MVD: variants seen among roughly 807,000 people sequenced by gnomAD.
MVD encodes mevalonate diphosphate decarboxylase.
MVD carries 52 observed loss-of-function variants against 42.4 expected under a neutral mutation model. The ratio of observed to expected loss-of-function variants is 1.23; its 90% CI spans 0.98 to 1.55. The LOEUF (loss-of-function observed/expected upper bound fraction) is 1.55. MVD is among the 40% of genes most tolerant of loss of function. The probability of loss-of-function intolerance (pLI) is 0.00; values close to 1 mark genes in which losing one functional copy is unlikely to be tolerated. For missense variants in MVD, 663 were observed against 572.1 expected, an observed-to-expected ratio of 1.16 and a Z score of -1.62; for synonymous variants, 287 against 243.2, an observed-to-expected ratio of 1.18 and a Z score of -1.68.
intron 4 of MVD, 29 bp from the exon 5 acceptor site, chr16:88,656,333 C>T (rs1907928816): frequency 1.0e-5 from 16 of 1,596,970 alleles, no homozygotes; most frequent in Non-Finnish European, 1.4e-5. Context: ...AGGGAGGGTC[C>T]TCAGAGCTGC....
chr16:88,656,211 C>G lies in MVD; in HGVS notation c.497G>C (p.Gly166Ala). ...CTCTCCCATCTGCCACTCCACAAAG[C>G]CCCCATACAGGCTCCGGCAGGCGCT... ...SGSACRSLYGGFVEWQMGEQA... is the reference protein window; with the variant it reads ...SGSACRSLYGAFVEWQMGEQA... Residue 166 changes from glycine (G) to alanine (A), a missense_variant, in exon 5 of 10, where the codon GGC becomes GCC. Physicochemically the swap from Gly to Ala is moderately conservative, Grantham distance 60. Transcript: ENST00000301012. 1 of 1,601,362 alleles carries G rather than the reference C, an allele frequency of 6.2e-7. No individual in the cohort carries two copies. The highest frequency in any genetic ancestry group is 8.5e-7 in the Non-Finnish European group (1 of 1,179,938).
intron 1 of MVD, among the ~76,000 whole-genome samples, chr16:88,661,432 C>G (rs561332403): frequency 6.6e-6 from 1 of 152,126 alleles, no homozygotes; most frequent in Non-Finnish European, 1.5e-5. Context: ...CCATGTTGGC[C>G]AAGCTGGTCT....
At chr16:88,657,851 C>T in intron 3 of MVD, 64 bp downstream of exon 3, 1 of 1,541,150 alleles carries the variant, frequency 6.5e-7, no homozygotes, top group African/African-American at 1.4e-5. Flanking sequence ...GGCAGAAGCA[C>T]TTTCTGGATG....
At chr16:88,658,875 C>T (rs6416802) in intron 1 of MVD, 155 bp from the exon 2 acceptor site, 8 of 648,050 alleles carry the variant, frequency 1.2e-5, no homozygotes, top group South Asian at 3.5e-5. Flanking sequence ...TGCCAGACCC[C>T]GGCCTGCAAG....
Position 88,657,583 on chromosome 16 carries a change from C to A in MVD, c.257-1G>T, listed in dbSNP as rs1182258390. On this transcript the variant is annotated splice_acceptor_variant, in intron 3 of 9. Transcript: ENST00000301012. LOFTEE classifies it high-confidence loss of function. ...CTCCGCTTCCGGGCCAGGCAGCGGA[C>A]TGCAGAGACAATGAGACAGCGTGTG... 11 of 1,612,022 alleles carry A rather than the reference C, an allele frequency of 6.8e-6. No individual in the cohort carries two copies. Among genetic ancestry groups the A allele is most frequent in the Non-Finnish European group, 9.3e-6 (11 of 1,179,466 alleles).
At chr16:88,653,666 A>G (rs11649119) in intron 8 of MVD, 77,228 of 436,418 alleles carry the variant, frequency 0.18, 7,735 homozygotes, top group South Asian at 0.28. Context: ...CGAATGGCTG[A>G]GACAGGAAAT....
At chr16:88,653,271 CG>C (rs761358894) in intron 9 of MVD, 28 bp downstream of exon 9, 1 of 1,568,336 alleles carries the variant, frequency 6.4e-7, no homozygotes, top group Non-Finnish European at 8.7e-7. Flanking sequence ...AAGGAAACCC[CG>C]GGGTACTGGG....
chr16:88,657,608 G>C, intron 3 of MVD, 26 bp from the exon 4 acceptor site: 1 of 1,604,492 alleles, frequency 6.2e-7, no homozygotes, highest in South Asian at 1.1e-5. Context: ...GACAGCGTGT[G>C]GCCCAGCCGT....
chr16:88,658,875 C>G, intron 1 of MVD, 155 bp from the exon 2 acceptor site: 2 of 648,088 alleles, frequency 3.1e-6, no homozygotes, highest in East Asian at 5.7e-5. Context: ...TGCCAGACCC[C>G]GGCCTGCAAG....
Position 88,657,950 on chromosome 16 carries a change from A to ACATCCT in MVD, c.215_220dup (p.Glu72_Asp73dup). The ACATCCT allele has an allele frequency of 6.2e-7, 1 of 1,613,716 alleles. No homozygotes were observed. Among genetic ancestry groups the ACATCCT allele is most frequent in the South Asian group, 1.1e-5 (1 of 91,078 alleles). ...GCAGGCCTGCAGCCGCGGCTGCCCC[A>ACATCCT]CATCCTCCTCCCGGCCATTCAGCCA... On this transcript the variant is annotated inframe_insertion, in exon 3 of 10. Transcript: ENST00000301012.
chr16:88,658,391 G>A (rs1597381516), intron 2 of MVD, among the ~76,000 whole-genome samples: 1 of 152,142 alleles, frequency 6.6e-6, no homozygotes. Flanking sequence ...GGGAGTCGTC[G>A]CTAGGCCATC....
chr16:88,655,820 A>G (rs1417522992), intron 5 of MVD, 90 bp from the exon 6 acceptor site: 7 of 1,448,394 alleles, frequency 4.8e-6, no homozygotes, highest in Non-Finnish European at 6.5e-6. Context: ...CCCTCAGCCA[A>G]TGCAGGCAGC....
intron 9 of MVD, 90 bp downstream of exon 9, chr16:88,653,210 C>G (rs1458902653): frequency 2.0e-6 from 2 of 991,450 alleles, no homozygotes; most frequent in Non-Finnish European, 3.0e-6. Context: ...GACAGGGAGC[C>G]GCGCTTAGCC....
At chr16:88,661,262 T>C (rs886554526) in intron 1 of MVD, among the ~76,000 whole-genome samples, 3 of 152,200 alleles carry the variant, frequency 2.0e-5, no homozygotes, top group Admixed American at 6.5e-5. Flanking sequence ...GACATCAACA[T>C]TGATACACTG....
intron 1 of MVD, chr16:88,662,624 C>G: frequency 2.5e-6 from 3 of 1,179,190 alleles, no homozygotes; most frequent in Non-Finnish European, 3.2e-6. Flanking sequence ...TCACTGCAGC[C>G]TCGACCTCCC....
intron 1 of MVD, among the ~76,000 whole-genome samples, chr16:88,659,683 TGGCCGGG>T (rs1350971573): frequency 5.3e-5 from 8 of 152,014 alleles, no homozygotes; most frequent in African/African-American, 1.9e-4. Context: ...AACAGACTCC[TGGCCGGG>T]CGCGGTGGCT....
In MVD at chr16:88,656,283, T is replaced by C; in HGVS notation, c.425A>G (p.Tyr142Cys). 1.9e-6 allele frequency: 3 copies of C among 1,599,662 alleles called. No individual in the cohort carries two copies. The South Asian group carries it at 3.3e-5, about 18-fold the overall frequency. ...TTCTGAGAGGTCACTCTCCACGCCG[T>C]AGACACGGGCCAGGGTGTAGGCTGC... ...ACLAYTLARV[Y>C]GVESDLSEVA... Residue 142 changes from tyrosine (Y) to cysteine (C), a missense_variant, in exon 5 of 10, where the codon TAC (tyrosine) becomes TGC (cysteine). Physicochemically the swap from Tyr to Cys is radical, Grantham distance 194. Coordinates refer to ENST00000301012, the MANE Select transcript of MVD (RefSeq NM_002461.3).
Position 88,653,399 on chromosome 16 carries a change from C to A in MVD, c.1023G>T (p.Lys341Asn), listed in dbSNP as rs1374201080. Residue 341 changes from lysine (K) to asparagine (N), a missense_variant, in exon 9 of 10, where the codon AAG becomes AAT. Transcript: ENST00000301012. The part of the protein sequence containing the change: ...PPGSNGDTFL[K>N]GLQVRPAPLS... ...GAGGGGCCGGCCTCACCTGCAGCCC[C>A]TTCAGAAACCTGGAAAAGCAGGGCA... 2 of 1,606,084 alleles carry A rather than the reference C, an allele frequency of 1.2e-6. No individual in the cohort carries two copies. Among genetic ancestry groups the A allele is most frequent in the South Asian group, 2.2e-5 (2 of 90,256 alleles).
intron 6 of MVD, 23 bp downstream of exon 6, chr16:88,655,633 G>A (rs1214277736): frequency 7.8e-6 from 12 of 1,548,134 alleles, no homozygotes; most frequent in Non-Finnish European, 8.7e-7. Context: ...CAGGGCCCCG[G>A]GACCACCCGC....
Sources: allele counts gnomAD v4.1 joint callset (sites outside exome capture counted in the v4.1 genomes callset), GRCh38; gene constraint gnomAD v4.1.1; transcripts MANE v1.5; gene names NCBI Gene and HGNC (gene_info 2026-07-23, HGNC 2026-07-21).